PKNOX2: variants seen among roughly 807,000 people sequenced by gnomAD.
The protein encoded by PKNOX2 is PBX/knotted 1 homeobox 2, also known as homeobox protein PKNOX2.
A neutral mutation model predicts 53.1 loss-of-function variants in PKNOX2; 14 were observed. The ratio of observed to expected loss-of-function variants is 0.26; its 90% CI spans 0.17 to 0.41. PKNOX2 has a LOEUF of 0.41. Ranked by LOEUF, PKNOX2 falls within the 10% of genes least tolerant of loss-of-function variation. The probability of loss-of-function intolerance (pLI) is 1.00; values close to 1 mark genes in which losing one functional copy is unlikely to be tolerated. For missense variants in PKNOX2, 496 were observed against 602.8 expected (o/e 0.82, Z 1.85); for synonymous variants, 257 against 242.8 (o/e 1.06, Z -0.54).
chr11:125,296,068 G>A (rs191795264), intron 2 of PKNOX2, among the ~76,000 whole-genome samples: 392 of 152,044 alleles, frequency 2.6e-3, no homozygotes, highest in Non-Finnish European at 3.7e-3. Flanking sequence ...CAGAAACCTC[G>A]CCAGACTCAG....
At chr11:125,237,001 C>T (rs747235888) in intron 2 of PKNOX2, among the ~76,000 whole-genome samples, 3 of 152,276 alleles carry the variant, frequency 2.0e-5, no homozygotes, top group African/African-American at 4.8e-5. Context: ...TCAGAAAGGG[C>T]GTGGTGGGGC....
intron 6 of PKNOX2, among the ~76,000 whole-genome samples, chr11:125,385,966 A>G (rs138378608): frequency 1.3e-5 from 2 of 152,332 alleles, no homozygotes; most frequent in Non-Finnish European, 2.9e-5. Context: ...TGGCACTAGC[A>G]TCTTAGCACC....
At chr11:125,207,782 T>A (rs1050509348) in intron 1 of PKNOX2, among the ~76,000 whole-genome samples, 2 of 151,978 alleles carry the variant, frequency 1.3e-5, no homozygotes, top group African/African-American at 4.8e-5. Flanking sequence ...AATAAGCATG[T>A]CGGGGGCATG....
In PKNOX2 at chr11:125,175,136, G is replaced by A. The variant is rs182547763; in HGVS notation, c.-201+10360G>A. Among the ~76,000 whole-genome samples the A allele has an allele frequency of 2.4e-3, 364 of 152,184 alleles. 3 individuals carry two copies. Among genetic ancestry groups the A allele is most frequent in the Non-Finnish European group, 3.1e-3 (211 of 68,012 alleles). On this transcript the variant is annotated intron_variant, in intron 1 of 12. Transcript: ENST00000298282. ...TCCTGCTGACTTCTAGATTGTAGGG[G>A]GAGCCTCTTTCCAAGCTGGACGTCT... is the stretch of plus-strand genomic sequence containing the variant.
intron 10 of PKNOX2, 131 bp downstream of exon 10, chr11:125,411,996 T>C (rs1164672604): frequency 7.0e-7 from 1 of 1,423,932 alleles, no homozygotes; most frequent in East Asian, 2.3e-5. Context: ...AGCTCTCTGA[T>C]AGGAATGACA....
chr11:125,419,902 GC>G (rs1956083197), intron 10 of PKNOX2, among the ~76,000 whole-genome samples: 1 of 150,124 alleles, frequency 6.7e-6, no homozygotes, highest in Non-Finnish European at 1.5e-5. Flanking sequence ...AAAAAAAAAG[GC>G]CGAGTGCAGT....
chr11:125,343,014 C>T (rs1027516075), intron 3 of PKNOX2, among the ~76,000 whole-genome samples: 3 of 152,014 alleles, frequency 2.0e-5, no homozygotes, highest in African/African-American at 4.8e-5. Context: ...GGGCAGAATC[C>T]GCTCTCTAGG....
intron 1 of PKNOX2, among the ~76,000 whole-genome samples, chr11:125,182,559 A>G (rs1219245514): frequency 4.6e-5 from 7 of 152,204 alleles, no homozygotes; most frequent in Admixed American, 1.3e-4. Flanking sequence ...TGGGACTTCA[A>G]TGGTCCAAGG....
Position 125,431,509 on chromosome 11 carries a change from T to G in PKNOX2, c.*117T>G. On this transcript the variant is annotated 3_prime_UTR_variant, in exon 13 of 13. Transcript: ENST00000298282. Reference sequence around the variant, plus strand: ...GCACCGAGGGAGTTGGGCCCTAGCTTCCCCAAATCAGTAGCTTGAAGAAAG... The same window carrying G: ...GCACCGAGGGAGTTGGGCCCTAGCTGCCCCAAATCAGTAGCTTGAAGAAAG... 1.2e-5 allele frequency: 14 copies of G among 1,188,256 alleles called. No homozygotes were observed. The highest frequency in any genetic ancestry group is 1.5e-5 in the South Asian group (1 of 66,796). The allele number at this position is 1,188,256 out of a possible 1,614,324, so 73.6% of individuals were successfully genotyped here. A position where few individuals can be genotyped will look rare whatever the true frequency, so the allele number is the denominator to read the frequency against.
At chr11:125,351,184 G>A (rs1476999167) in intron 3 of PKNOX2, 100 bp from the exon 4 acceptor site, 2 of 717,642 alleles carry the variant, frequency 2.8e-6, no homozygotes, top group East Asian at 2.7e-5. Flanking sequence ...GCATCCAGCC[G>A]GCCCAGGTGG....
intron 5 of PKNOX2, among the ~76,000 whole-genome samples, chr11:125,368,208 A>G (rs61390241): frequency 0.043 from 6,571 of 152,280 alleles, 470 homozygotes; most frequent in African/African-American, 0.15. Context: ...GGAGGCCTAG[A>G]CAGCACTTCC....
rs1951392330 is a variant in PKNOX2, at chr11:125,352,777, C to T, written c.87+1385C>T. The stretch of plus-strand genomic sequence containing the variant: ...AATCATATTACTTCCCCAGCTCTCC[C>T]AGCCTAACCCCATCCTCAGCGAGCC... On this transcript the variant is annotated intron_variant, in intron 4 of 12. Transcript: ENST00000298282. The surrounding 1 kb of genome is among the most constrained non-coding windows in gnomAD (Gnocchi z 4.1). 6.6e-6 allele frequency among the ~76,000 whole-genome samples: 1 copy of T among 152,212 alleles called. No homozygotes were observed. Among genetic ancestry groups the T allele is most frequent in the South Asian group, 2.1e-4 (1 of 4,830 alleles).
intron 10 of PKNOX2, among the ~76,000 whole-genome samples, chr11:125,421,343 GAC>G (rs1225169810): frequency 2.6e-5 from 4 of 152,192 alleles, no homozygotes; most frequent in Non-Finnish European, 5.9e-5. Flanking sequence ...TTCTTCCAGT[GAC>G]CCTAACAGGA....
At chr11:125,359,272 C>T (rs933335727) in intron 4 of PKNOX2, among the ~76,000 whole-genome samples, 1 of 152,168 alleles carries the variant, frequency 6.6e-6, no homozygotes, top group South Asian at 2.1e-4. Flanking sequence ...GAAAGTTCCC[C>T]TAAGCTTTTT....
At chr11:125,259,948 C>T (rs1200962923) in intron 2 of PKNOX2, among the ~76,000 whole-genome samples, 1 of 151,784 alleles carries the variant, frequency 6.6e-6, no homozygotes, top group Non-Finnish European at 1.5e-5. Context: ...ACAATCACAG[C>T]TCATTGTACC....
intron 1 of PKNOX2, among the ~76,000 whole-genome samples, chr11:125,192,735 T>TCCCCCAAGGCAGAC (rs1956954808): frequency 6.6e-6 from 1 of 152,148 alleles, no homozygotes; most frequent in Non-Finnish European, 1.5e-5. Context: ...GTCTGCCTTG[T>TCCCCCAAGGCAGAC]TCCCCAAGTC....
At chr11:125,279,554 G>A (rs1184012190) in intron 2 of PKNOX2, among the ~76,000 whole-genome samples, 3 of 152,206 alleles carry the variant, frequency 2.0e-5, no homozygotes, top group African/African-American at 7.2e-5. Context: ...CATTCAACTT[G>A]CAGTGTCTGT....
At chr11:125,282,045 G>A (rs1946594125) in intron 2 of PKNOX2, among the ~76,000 whole-genome samples, 1 of 152,218 alleles carries the variant, frequency 6.6e-6, no homozygotes, top group African/African-American at 2.4e-5. Flanking sequence ...CTGTTGTGGT[G>A]TCTGTCACTG....
intron 9 of PKNOX2, chr11:125,411,126 G>A (rs1161120596): frequency 3.0e-5 from 13 of 440,202 alleles, no homozygotes; most frequent in Non-Finnish European, 5.4e-5. Context: ...TCTGCAGACT[G>A]AGCCGCTGTG....
Sources: gnomAD v4.1 joint callset for allele counts (sites outside exome capture counted in the v4.1 genomes callset) on GRCh38, gnomAD v4.1.1 for gene constraint, Gnocchi (gnomAD v3.1) non-coding constraint, MANE v1.5 for transcripts, NCBI Gene and HGNC (gene_info 2026-07-23, HGNC 2026-07-21) for gene names.